COP1: variants seen among roughly 807,000 people sequenced by gnomAD.
COP1 encodes the protein E3 ubiquitin-protein ligase COP1.
A neutral mutation model predicts 101.3 loss-of-function variants in COP1; 24 were observed. That is an observed-to-expected ratio of 0.24 (90% confidence interval 0.17 to 0.33). The LOEUF is 0.33. COP1 is among the 10% of genes least tolerant of loss of function. The pLI is 1.00. For synonymous variants in COP1, 347 were observed against 341.9 expected, an observed-to-expected ratio of 1.01 and a Z score of -0.17; for missense variants, 663 against 906.2, an observed-to-expected ratio of 0.73 and a Z score of 3.45.
At chr1:176,017,797 T>C (rs1665939788) in intron 15 of COP1, among the ~76,000 whole-genome samples, 1 of 152,204 alleles carries the variant, frequency 6.6e-6, no homozygotes, top group Non-Finnish European at 1.5e-5. Context: ...AGTGCTGGGA[T>C]TAGAGGTGTG....
chr1:176,108,595 C>T (rs1318887566), intron 9 of COP1, among the ~76,000 whole-genome samples: 1 of 152,092 alleles, frequency 6.6e-6, no homozygotes, highest in African/African-American at 2.4e-5. Context: ...TGGTTGAGCA[C>T]ATACACTCAT....
rs1336834460 is a variant in COP1 at position 176,065,725 on chromosome 1, T to C, written c.1277+15427A>G. On this transcript the variant is annotated intron_variant, in intron 11 of 19. Transcript: ENST00000367669. The stretch of plus-strand genomic sequence containing the variant: ...AATGATTTTTTTTTTTTTTTTTTTT[T>C]CAGACGGAGTCTTGCTCCGTTGCCT... Among the ~76,000 whole-genome samples, 8 of 146,868 alleles carry C rather than the reference T, an allele frequency of 5.4e-5. No individual in the cohort carries two copies. The East Asian group carries it at 7.8e-4, about 14-fold the overall frequency.
At chr1:176,077,547 A>T (rs188514224) in intron 11 of COP1, among the ~76,000 whole-genome samples, 42 of 152,312 alleles carry the variant, frequency 2.8e-4, no homozygotes, top group African/African-American at 9.6e-4. Context: ...CCAACTTAAT[A>T]GTGAATGGGC....
At chr1:176,110,319 C>T (rs929616567) in intron 9 of COP1, among the ~76,000 whole-genome samples, 6 of 152,170 alleles carry the variant, frequency 3.9e-5, no homozygotes, top group Non-Finnish European at 7.3e-5. Flanking sequence ...TGAAATGTAG[C>T]CTCTGTTAAG....
At chr1:175,951,486 C>G (rs1649913352) in intron 18 of COP1, among the ~76,000 whole-genome samples, 1 of 113,700 alleles carries the variant, frequency 8.8e-6, no homozygotes. Context: ...TTGGCCATAA[C>G]AGAGTAAACA....
At chr1:176,136,793 T>C (rs755714131) in intron 6 of COP1, among the ~76,000 whole-genome samples, 6 of 152,118 alleles carry the variant, frequency 3.9e-5, no homozygotes, top group Non-Finnish European at 8.8e-5. Context: ...ACAGTTTGAT[T>C]TTACAATAAA....
chr1:176,158,607 G>A (rs1352289884), intron 5 of COP1, among the ~76,000 whole-genome samples: 1 of 145,782 alleles, frequency 6.9e-6, no homozygotes, highest in African/African-American at 2.5e-5. Context: ...GAGAGAAAAT[G>A]AAAGTATACT....
chr1:176,058,550 T>C (rs1014369812), intron 11 of COP1, among the ~76,000 whole-genome samples: 4 of 152,170 alleles, frequency 2.6e-5, no homozygotes, highest in African/African-American at 7.2e-5. Flanking sequence ...AAACAGATGA[T>C]TGAAGGCAGC....
chr1:175,947,521 C>T (rs908640344), intron 18 of COP1, among the ~76,000 whole-genome samples: 2 of 152,082 alleles, frequency 1.3e-5, no homozygotes, highest in African/African-American at 4.8e-5. Context: ...CAGGCATGCG[C>T]CACCAGCCCA....
At chr1:176,005,902 C>T (rs1489862134) in intron 15 of COP1, among the ~76,000 whole-genome samples, 2 of 151,956 alleles carry the variant, frequency 1.3e-5, no homozygotes, top group East Asian at 1.9e-4. Context: ...CCTGGGTATC[C>T]TTGTTGACTT....
chr1:176,052,593 G>A (rs1469356771), intron 11 of COP1, among the ~76,000 whole-genome samples: 1 of 152,084 alleles, frequency 6.6e-6, no homozygotes, highest in Non-Finnish European at 1.5e-5. Flanking sequence ...TGTGGCTTGA[G>A]TGTTTTCTTA....
At chr1:175,982,511 T>C (rs1656114926) in intron 18 of COP1, 1 of 365,788 alleles carries the variant, frequency 2.7e-6, no homozygotes, top group East Asian at 7.6e-5. Flanking sequence ...AAATATATTT[T>C]CTTTTATGAT....
intron 8 of COP1, among the ~76,000 whole-genome samples, chr1:176,118,215 T>C (rs1686531430): frequency 6.6e-6 from 1 of 152,238 alleles, no homozygotes; most frequent in Non-Finnish European, 1.5e-5. Context: ...AGATAATGCA[T>C]GTGAAGTTCA....
chr1:176,088,833 TAA>T (rs936547341), intron 9 of COP1, among the ~76,000 whole-genome samples: 18 of 151,344 alleles, frequency 1.2e-4, no homozygotes, highest in Admixed American at 4.0e-4. Flanking sequence ...CCGTCTGTAC[TAA>T]AACTACAAAA....
At chr1:176,035,710 CAAAAA>C (rs71129541) in intron 14 of COP1, among the ~76,000 whole-genome samples, 1 of 73,110 alleles carries the variant, frequency 1.4e-5, no homozygotes, top group African/African-American at 7.1e-5. Context: ...AAAACGAGAC[CAAAAA>C]AAAAAAAAAA....
intron 9 of COP1, among the ~76,000 whole-genome samples, chr1:176,111,544 TG>T (rs1320225499): frequency 6.6e-6 from 1 of 152,174 alleles, no homozygotes; most frequent in African/African-American, 2.4e-5. Flanking sequence ...CCACCTGCCT[TG>T]GCCTCCCAAA....
At chr1:176,168,479 A>G (rs1695501130) in intron 3 of COP1, among the ~76,000 whole-genome samples, 1 of 102,426 alleles carries the variant, frequency 9.8e-6, no homozygotes, top group African/African-American at 3.6e-5. Context: ...GAAGGGAGGA[A>G]GGCAGGAAGG....
intron 11 of COP1, among the ~76,000 whole-genome samples, chr1:176,070,451 C>T (rs534193865): frequency 6.6e-6 from 1 of 151,710 alleles, no homozygotes; most frequent in East Asian, 1.9e-4. Flanking sequence ...TCCCTGAGGT[C>T]AGGAGTTCGA....
chr1:175,971,720 C>T (rs1395262925), intron 18 of COP1, among the ~76,000 whole-genome samples: 1 of 152,172 alleles, frequency 6.6e-6, no homozygotes, highest in Non-Finnish European at 1.5e-5. Flanking sequence ...GAACACAGTA[C>T]CTTTCAGGAG....
Sources: gnomAD v4.1 joint callset for allele counts (sites outside exome capture counted in the v4.1 genomes callset) on GRCh38, gnomAD v4.1.1 for gene constraint, MANE v1.5 for transcripts, NCBI Gene and HGNC (gene_info 2026-07-23, HGNC 2026-07-21) for gene names.